NR6A1: variants seen among roughly 807,000 people sequenced by gnomAD.
NR6A1 encodes nuclear receptor subfamily 6 group A member 1.
Under a neutral mutation model 59.1 loss-of-function variants are expected in NR6A1, and 7 were observed. That is an observed-to-expected ratio of 0.12 (90% CI 0.07 to 0.22). NR6A1 has a LOEUF of 0.22. Ranked by LOEUF, NR6A1 falls within the 10% of genes least tolerant of loss-of-function variation. The probability of loss-of-function intolerance (pLI) is 1.00; values close to 1 mark genes in which losing one functional copy is unlikely to be tolerated. For missense variants in NR6A1, 468 were observed against 611.6 expected, an observed-to-expected ratio of 0.77 and a Z score of 2.48; for synonymous variants, 243 against 236.1, an observed-to-expected ratio of 1.03 and a Z score of -0.27.
At chr9:124,568,474 C>A (rs1834340177) in intron 2 of NR6A1, among the ~76,000 whole-genome samples, 1 of 150,200 alleles carries the variant, frequency 6.7e-6, no homozygotes. Context: ...CACAGCAAGA[C>A]TCTGTCTCAA....
At chr9:124,685,621 T>C (rs1384213703) in intron 2 of NR6A1, among the ~76,000 whole-genome samples, 1 of 152,200 alleles carries the variant, frequency 6.6e-6, no homozygotes, top group African/African-American at 2.4e-5. Flanking sequence ...TAAGCCACTG[T>C]GCCCAGCCTA....
intron 2 of NR6A1, among the ~76,000 whole-genome samples, chr9:124,628,412 TG>T (rs1156473275): frequency 6.6e-6 from 1 of 152,080 alleles, no homozygotes; most frequent in African/African-American, 2.4e-5. Context: ...GGCACAATCT[TG>T]GCTCACTGCA....
chr9:124,669,147 GATGAA>G (rs1232303512), intron 2 of NR6A1, among the ~76,000 whole-genome samples: 3 of 152,136 alleles, frequency 2.0e-5, no homozygotes, highest in African/African-American at 7.2e-5. Context: ...AGTTGGAACT[GATGAA>G]ATGAATCAAG....
chr9:124,692,594 C>G (rs1185546681), intron 2 of NR6A1: 1 of 413,480 alleles, frequency 2.4e-6, no homozygotes, highest in Non-Finnish European at 5.4e-6. Flanking sequence ...CAAGCTGTAC[C>G]TTCACATGTC....
At chr9:124,697,019 C>G (rs1279897591) in intron 2 of NR6A1, among the ~76,000 whole-genome samples, 2 of 152,112 alleles carry the variant, frequency 1.3e-5, no homozygotes, top group African/African-American at 4.8e-5. Flanking sequence ...TCAGAACCAC[C>G]TTCCAAAGAA....
chr9:124,624,378 C>T (rs572859418), intron 2 of NR6A1, among the ~76,000 whole-genome samples: 37 of 152,314 alleles, frequency 2.4e-4, no homozygotes, highest in Non-Finnish European at 4.6e-4. Flanking sequence ...ACCATCTGAA[C>T]TTCTTCAGGT....
At chr9:124,560,741 A>G (rs376293625) in intron 2 of NR6A1, among the ~76,000 whole-genome samples, 1 of 152,156 alleles carries the variant, frequency 6.6e-6, no homozygotes, top group East Asian at 1.9e-4. Flanking sequence ...TTGTATTTTT[A>G]GTAGAGACAG....
chr9:124,746,149 A>C (rs1168872560), intron 1 of NR6A1, among the ~76,000 whole-genome samples: 1 of 152,150 alleles, frequency 6.6e-6, no homozygotes, highest in Non-Finnish European at 1.5e-5. Flanking sequence ...AATCTTTCTT[A>C]CATACTAGTC....
chr9:124,739,857 A>ACATTTTAC (rs2131144567), intron 1 of NR6A1, among the ~76,000 whole-genome samples: 1 of 152,358 alleles, frequency 6.6e-6, no homozygotes, highest in East Asian at 1.9e-4. Flanking sequence ...GCAATGTTTT[A>ACATTTTAC]GTTTGACTGT....
At chr9:124,542,568 TTC>T (rs924970015) in intron 4 of NR6A1, among the ~76,000 whole-genome samples, 4 of 152,194 alleles carry the variant, frequency 2.6e-5, no homozygotes, top group African/African-American at 9.7e-5. Flanking sequence ...TCTAACTGCT[TTC>T]TCTCTCCCTC....
intron 2 of NR6A1, among the ~76,000 whole-genome samples, chr9:124,585,569 G>C (rs953094136): frequency 2.3e-5 from 3 of 129,156 alleles, no homozygotes; most frequent in African/African-American, 5.6e-5. Flanking sequence ...GGGGGGGGGG[G>C]GCAAGGTGAA....
At chr9:124,760,541 A>T (rs961907632) in intron 1 of NR6A1, among the ~76,000 whole-genome samples, 2 of 152,088 alleles carry the variant, frequency 1.3e-5, no homozygotes, top group Non-Finnish European at 2.9e-5. Flanking sequence ...ATAACCCTAC[A>T]GTCAATTTCA....
At chr9:124,731,198 C>T (rs1368491862) in intron 2 of NR6A1, among the ~76,000 whole-genome samples, 2 of 151,922 alleles carry the variant, frequency 1.3e-5, no homozygotes, top group South Asian at 2.1e-4. Flanking sequence ...GGTGAAACCC[C>T]GTCTCTACTA....
At position 124,725,107 on chromosome 9, in the gene NR6A1, G is replaced by A. The variant is rs904174544; in HGVS notation, c.142+8201C>T. On this transcript the variant is annotated intron_variant, in intron 2 of 9. Coordinates refer to ENST00000487099, the MANE Select transcript of NR6A1 (RefSeq NM_033334.4). ...CAGCTACACGGTAAACACGACGGCCGAGGAAAAAACTCGGGGAGCAGGGCA... is the reference window on the plus strand; with the variant it reads ...CAGCTACACGGTAAACACGACGGCCAAGGAAAAAACTCGGGGAGCAGGGCA... Among the ~76,000 whole-genome samples, 7 of 152,164 alleles carry A rather than the reference G, an allele frequency of 4.6e-5. No individual in the cohort carries two copies. In the East Asian group the frequency reaches 5.8e-4, roughly 13 times the overall value.
At position 124,666,802 on chromosome 9, in the gene NR6A1, A is replaced by G. The variant is rs562421293; in HGVS notation, c.142+66506T>C. On this transcript the variant is annotated intron_variant, in intron 2 of 9. Transcript: ENST00000487099. ...GACAAAGGTGTTGTACTCGGGCACT[A>G]TAGTCACAGAGACTTGACTCTGTAT... Among the ~76,000 whole-genome samples, 91 of 152,246 alleles carry G rather than the reference A, an allele frequency of 6.0e-4. 1 individual carries two copies. The South Asian group carries it at 0.018, about 30-fold the overall frequency.
At chr9:124,578,303 T>C (rs1283374668) in intron 2 of NR6A1, among the ~76,000 whole-genome samples, 1 of 152,212 alleles carries the variant, frequency 6.6e-6, no homozygotes, top group African/African-American at 2.4e-5. Context: ...GTATCTACAC[T>C]GCCCATTTAA....
intron 2 of NR6A1, among the ~76,000 whole-genome samples, chr9:124,593,686 G>T (rs902607798): frequency 6.6e-5 from 10 of 152,194 alleles, no homozygotes; most frequent in African/African-American, 1.7e-4. Flanking sequence ...TTTTCACAGA[G>T]AATTCATTCG....
chr9:124,771,102 C>A lies in NR6A1; in HGVS notation c.18G>T (p.Pro6=). 2 of 1,229,830 alleles carry A rather than the reference C, an allele frequency of 1.6e-6. No individual in the cohort carries two copies. The highest frequency in any genetic ancestry group is 2.0e-6 in the Non-Finnish European group (2 of 986,338). The allele number at this position is 1,229,830 out of a possible 1,614,324, so 76.2% of individuals were successfully genotyped here. MERDE[P]PPSGGGGGGG... ...CGCCGCCTCCCCCTCCGCTAGGCGG[C>A]GGTTCGTCCCGCTCCATGCGGTGGT... Residue 6 remains proline (P), a synonymous_variant, in exon 1 of 10, where the codon CCG becomes CCT. Coordinates refer to ENST00000487099, the MANE Select transcript of NR6A1 (RefSeq NM_033334.4).
At chr9:124,705,372 G>T (rs755530603) in intron 2 of NR6A1, among the ~76,000 whole-genome samples, 1 of 151,992 alleles carries the variant, frequency 6.6e-6, no homozygotes, top group African/African-American at 2.4e-5. Flanking sequence ...GTATTTTGGT[G>T]GTCTCCTGTT....
Sources: allele counts gnomAD v4.1 joint callset (sites outside exome capture counted in the v4.1 genomes callset), GRCh38; gene constraint gnomAD v4.1.1; transcripts MANE v1.5; gene names NCBI Gene and HGNC (gene_info 2026-07-23, HGNC 2026-07-21).